FBXO32: variants seen among roughly 807,000 people sequenced by gnomAD.
The protein encoded by FBXO32 is F-box only protein 32.
Under a neutral mutation model 48.3 loss-of-function variants are expected in FBXO32, and 15 were observed. That is an observed-to-expected ratio of 0.31 (90% CI 0.21 to 0.48). The LOEUF is 0.48. FBXO32 is among the 20% of genes least tolerant of loss of function. The pLI, the probability that FBXO32 is intolerant of heterozygous loss-of-function variation, is 0.99. For synonymous variants in FBXO32, 154 were observed against 165.9 expected, an observed-to-expected ratio of 0.93 and a Z score of 0.55; for missense variants, 309 against 432.7, an observed-to-expected ratio of 0.71 and a Z score of 2.54.
At chr8:123,524,684 AT>A (rs371627747) in intron 4 of FBXO32, among the ~76,000 whole-genome samples, 29 of 152,118 alleles carry the variant, frequency 1.9e-4, no homozygotes, top group African/African-American at 7.0e-4. Context: ...AACCCAGCTA[AT>A]TTTTGTATTT....
At chr8:123,520,105 T>C (rs1586995778) in intron 4 of FBXO32, among the ~76,000 whole-genome samples, 1 of 151,876 alleles carries the variant, frequency 6.6e-6, no homozygotes, top group Non-Finnish European at 1.5e-5. Context: ...ATCGATTTTA[T>C]TTGTGTTAAG....
At chr8:123,510,538 A>C (rs572157096) in intron 6 of FBXO32, among the ~76,000 whole-genome samples, 1 of 152,276 alleles carries the variant, frequency 6.6e-6, no homozygotes, top group East Asian at 1.9e-4. Flanking sequence ...ACCTGAACCC[A>C]GGAGGTGGAG....
intron 4 of FBXO32, among the ~76,000 whole-genome samples, chr8:123,516,420 G>A (rs2130523113): frequency 6.6e-6 from 1 of 152,198 alleles, no homozygotes; most frequent in African/African-American, 2.4e-5. Context: ...TCATCTCCTG[G>A]CCAGGCCTCA....
rs1372856074 is a variant in FBXO32, at chr8:123,499,216, T to C, written c.*4157A>G. On this transcript the variant is annotated 3_prime_UTR_variant, in exon 9 of 9. Transcript: ENST00000517956. ...CTAAAGTCTAGGGTAGGAGTTTCCA[T>C]TCTTTGGAAAACCAAAGATGGTTAC... 6.6e-6 allele frequency: 1 copy of C among 152,222 alleles called. No individual in the cohort carries two copies. Among genetic ancestry groups the C allele is most frequent in the East Asian group, 1.9e-4 (1 of 5,202 alleles). 9.4% of individuals were successfully genotyped at this position (152,222 alleles called of 1,614,324 possible).
chr8:123,503,872 G>T (rs1018392254), intron 8 of FBXO32, among the ~76,000 whole-genome samples: 14 of 152,174 alleles, frequency 9.2e-5, no homozygotes, highest in Non-Finnish European at 1.9e-4. Flanking sequence ...GAAGTCAAAA[G>T]TTCAAGACCA....
Position 123,498,131 on chromosome 8 carries a change from T to C in FBXO32, c.*5242A>G, listed in dbSNP as rs974613440. On this transcript the variant is annotated 3_prime_UTR_variant, in exon 9 of 9. Coordinates refer to ENST00000517956, the MANE Select transcript of FBXO32 (RefSeq NM_058229.4). Reference sequence around the variant, plus strand: ...AATACTTTTCATTTAAAAAAGTACATTAAAGCTTCTAAGCTTAGGACACAG... The same window carrying C: ...AATACTTTTCATTTAAAAAAGTACACTAAAGCTTCTAAGCTTAGGACACAG... The C allele has an allele frequency of 4.6e-5, 7 of 152,212 alleles. No homozygotes were observed. The highest frequency in any genetic ancestry group is 8.8e-5 in the Non-Finnish European group (6 of 68,038). 9.4% of individuals were successfully genotyped at this position (152,212 alleles called of 1,614,324 possible). A position where few individuals can be genotyped will look rare whatever the true frequency, so the allele number is the denominator to read the frequency against.
At chr8:123,529,355 G>C (rs765441989) in intron 4 of FBXO32, among the ~76,000 whole-genome samples, 2 of 152,160 alleles carry the variant, frequency 1.3e-5, no homozygotes, top group African/African-American at 4.8e-5. Context: ...ACTGAAAAGC[G>C]TTTTAGGGGG....
rs193287141 is a variant in FBXO32, at chr8:123,515,541, G to A, written c.373-1208C>T. Among the ~76,000 whole-genome samples the A allele has an allele frequency of 4.7e-3, 710 of 151,574 alleles. 2 individuals carry two copies. Among genetic ancestry groups the A allele is most frequent in the Non-Finnish European group, 8.4e-3 (569 of 67,874 alleles). On this transcript the variant is annotated intron_variant, in intron 4 of 8. Transcript: ENST00000517956. ...TGGGATTACAGGCATGAGCCACCGC[G>A]CCCCGCCAGTTTGTTTGTTGAAAAA... is the stretch of plus-strand genomic sequence containing the variant.
At chr8:123,537,906 G>A (rs1817339979) in intron 1 of FBXO32, among the ~76,000 whole-genome samples, 1 of 152,002 alleles carries the variant, frequency 6.6e-6, no homozygotes. Flanking sequence ...GACAGCTTAG[G>A]TTACTCATCC....
intron 3 of FBXO32, among the ~76,000 whole-genome samples, chr8:123,532,827 C>G (rs1021731480): frequency 2.6e-5 from 4 of 152,200 alleles, no homozygotes; most frequent in Admixed American, 1.3e-4. Context: ...TTAGCGCTTC[C>G]AGGACTGAAA....
At chr8:123,536,124 C>T (rs1438960184) in intron 1 of FBXO32, among the ~76,000 whole-genome samples, 1 of 152,158 alleles carries the variant, frequency 6.6e-6, no homozygotes, top group Non-Finnish European at 1.5e-5. Context: ...ACAATATACT[C>T]AGTGTTGCTT....
intron 4 of FBXO32, among the ~76,000 whole-genome samples, chr8:123,522,163 CAG>C (rs930247808): frequency 5.3e-5 from 8 of 150,716 alleles, no homozygotes; most frequent in Non-Finnish European, 1.0e-4. Flanking sequence ...GTATTCTCAG[CAG>C]AGAGAGACTT....
intron 1 of FBXO32, among the ~76,000 whole-genome samples, chr8:123,535,986 G>A (rs1340635867): frequency 6.6e-6 from 1 of 152,116 alleles, no homozygotes; most frequent in Non-Finnish European, 1.5e-5. Flanking sequence ...TTGGCATTGT[G>A]TAAATGGTAG....
rs545645551 is a variant in FBXO32 at position 123,506,039 on chromosome 8, C to T, written c.834+353G>A. 1.3e-5 allele frequency among the ~76,000 whole-genome samples: 2 copies of T among 151,958 alleles called. No homozygotes were observed. Among genetic ancestry groups the T allele is most frequent in the South Asian group, 2.1e-4 (1 of 4,804 alleles). On this transcript the variant is annotated intron_variant, in intron 7 of 8. Coordinates refer to ENST00000517956, the MANE Select transcript of FBXO32 (RefSeq NM_058229.4). This position sits in a 1 kb window ranked among gnomAD's most constrained non-coding sequence, Gnocchi z 4.0. The stretch of plus-strand genomic sequence containing the variant: ...AGGAGTTTGAGGTCAGCCTGGGCAA[C>T]ATAGAGAGACCCTATTTCTACAAAA...
chr8:123,514,684 C>G (rs185144143), intron 4 of FBXO32, among the ~76,000 whole-genome samples: 1 of 152,382 alleles, frequency 6.6e-6, no homozygotes, highest in Admixed American at 6.5e-5. Context: ...TCTGCAGAAT[C>G]ACCTCCCGGG....
intron 3 of FBXO32, among the ~76,000 whole-genome samples, chr8:123,532,907 G>A (rs2294090): frequency 0.5 from 76,153 of 152,072 alleles, 19,589 homozygotes; most frequent in African/African-American, 0.59. Context: ...AAAACCCAGG[G>A]CAATATAATA....
intron 1 of FBXO32, among the ~76,000 whole-genome samples, chr8:123,539,065 G>A (rs373124284): frequency 2.0e-5 from 3 of 152,276 alleles, no homozygotes; most frequent in Admixed American, 6.5e-5. Context: ...GAGCGCAGTG[G>A]CACAGTCATG....
rs1395551754 is a variant in FBXO32, at chr8:123,540,347, C to T, written c.116+552G>A. Among the ~76,000 whole-genome samples the T allele has an allele frequency of 6.6e-6, 1 of 152,244 alleles. No individual in the cohort carries two copies. Among genetic ancestry groups the T allele is most frequent in the African/African-American group, 2.4e-5 (1 of 41,472 alleles). On this transcript the variant is annotated intron_variant, in intron 1 of 8. Transcript: ENST00000517956. The surrounding 1 kb of genome is among the most constrained non-coding windows in gnomAD (Gnocchi z 6.4). ...GCGGCTGCCCCAGGGACCATCTGGCCGTCCCTTCCTGGTTACTCATCCTCC... is the reference window on the plus strand; with the variant it reads ...GCGGCTGCCCCAGGGACCATCTGGCTGTCCCTTCCTGGTTACTCATCCTCC...
chr8:123,532,887 G>T (rs1034339288), intron 3 of FBXO32, among the ~76,000 whole-genome samples: 1 of 152,352 alleles, frequency 6.6e-6, no homozygotes, highest in South Asian at 2.1e-4. Flanking sequence ...GGGAGACCTT[G>T]CCCTGAGGCA....
Sources: allele counts gnomAD v4.1 joint callset (sites outside exome capture counted in the v4.1 genomes callset), GRCh38; gene constraint gnomAD v4.1.1; non-coding constraint Gnocchi (gnomAD v3.1); transcripts MANE v1.5; gene names NCBI Gene and HGNC (gene_info 2026-07-23, HGNC 2026-07-21).